FNDC3A: variants seen among roughly 807,000 people sequenced by gnomAD.
FNDC3A encodes the protein fibronectin type-III domain-containing protein 3A.
A neutral mutation model predicts 148.9 loss-of-function variants in FNDC3A; 32 were observed. That is an observed-to-expected ratio of 0.21 (90% confidence interval 0.16 to 0.29). The LOEUF (loss-of-function observed/expected upper bound fraction) is 0.29, where lower values mean the gene tolerates loss of function less well. FNDC3A is among the 10% of genes least tolerant of loss of function. The pLI, the probability that FNDC3A is intolerant of heterozygous loss-of-function variation, is 1.00. For missense variants in FNDC3A, 1,191 were observed against 1,452.8 expected (o/e 0.82, Z 2.93); for synonymous variants, 472 against 473.6 (o/e 1.00, Z 0.04).
chr13:49,042,928 T>C lies in FNDC3A; in HGVS notation c.100-32361T>C, dbSNP rs949110074. On this transcript the variant is annotated intron_variant, in intron 2 of 25. Transcript: ENST00000492622. ...TCATTATAATTTCTTCTTTGACTTA[T>C]GAATTATTGAAACTTTTACAGACAT... 1.1e-4 allele frequency among the ~76,000 whole-genome samples: 17 copies of C among 152,184 alleles called. No homozygotes were observed. The South Asian group carries it at 1.2e-3, about 11-fold the overall frequency.
intron 4 of FNDC3A, among the ~76,000 whole-genome samples, chr13:49,124,194 A>G (rs1183424277): frequency 6.6e-6 from 1 of 152,192 alleles, no homozygotes; most frequent in Admixed American, 6.5e-5. Context: ...CTTTGCAGGG[A>G]CATGGATGAA....
intron 2 of FNDC3A, among the ~76,000 whole-genome samples, chr13:49,019,896 A>G (rs1873189062): frequency 6.6e-6 from 1 of 152,174 alleles, no homozygotes; most frequent in Non-Finnish European, 1.5e-5. Flanking sequence ...TTTGTTTAAA[A>G]TTGTTTCTTC....
intron 8 of FNDC3A, among the ~76,000 whole-genome samples, chr13:49,158,056 G>C (rs530631340): frequency 7.1e-4 from 108 of 152,246 alleles, no homozygotes; most frequent in African/African-American, 2.0e-3. Flanking sequence ...CACTCAGTTC[G>C]AGCTTCCCGG....
chr13:49,174,718 A>AAG (rs1203539114), intron 12 of FNDC3A, among the ~76,000 whole-genome samples, 159 bp downstream of exon 12: 3 of 152,234 alleles, frequency 2.0e-5, no homozygotes. Flanking sequence ...CAAAAGCTAT[A>AAG]AGAGAGTTAG....
intron 25 of FNDC3A, among the ~76,000 whole-genome samples, chr13:49,205,294 A>G (rs2138145946): frequency 6.6e-6 from 1 of 152,322 alleles, no homozygotes; most frequent in South Asian, 2.1e-4. Context: ...AGACACATGG[A>G]AAGTATAAAG....
chr13:49,139,585 A>G (rs988349132), intron 7 of FNDC3A, among the ~76,000 whole-genome samples: 3 of 152,214 alleles, frequency 2.0e-5, no homozygotes. Context: ...TCCTCATCTA[A>G]TAGACTAATA....
intron 4 of FNDC3A, among the ~76,000 whole-genome samples, chr13:49,117,694 A>T (rs1881057322): frequency 6.6e-6 from 1 of 152,198 alleles, no homozygotes; most frequent in Admixed American, 6.5e-5. Context: ...CATTTACATT[A>T]TATTAGGTAT....
intron 2 of FNDC3A, among the ~76,000 whole-genome samples, chr13:49,032,227 G>C (rs1874170060): frequency 6.6e-6 from 1 of 151,980 alleles, no homozygotes; most frequent in Non-Finnish European, 1.5e-5. Flanking sequence ...GAAATAGCCT[G>C]GCAGTTCCTA....
chr13:49,001,181 T>C (rs533073721), intron 1 of FNDC3A, among the ~76,000 whole-genome samples: 59 of 152,318 alleles, frequency 3.9e-4, no homozygotes, highest in Admixed American at 1.4e-3. Context: ...ATTAATACTT[T>C]TATAATTTCT....
intron 2 of FNDC3A, among the ~76,000 whole-genome samples, chr13:49,038,893 AT>A (rs1049838360): frequency 6.6e-6 from 1 of 151,596 alleles, no homozygotes; most frequent in South Asian, 2.1e-4. Flanking sequence ...GGTTTTGTAG[AT>A]TTTTTTTTGC....
intron 2 of FNDC3A, among the ~76,000 whole-genome samples, chr13:49,024,474 C>T (rs1873555193): frequency 6.6e-6 from 1 of 151,850 alleles, no homozygotes; most frequent in African/African-American, 2.4e-5. Context: ...CAAAAATCCT[C>T]AACAAAATAC....
intron 3 of FNDC3A, among the ~76,000 whole-genome samples, chr13:49,086,578 T>C (rs1878829903): frequency 6.6e-6 from 1 of 152,208 alleles, no homozygotes; most frequent in Non-Finnish European, 1.5e-5. Context: ...GACCAAGTTC[T>C]ACTGAAATTA....
chr13:49,009,290 A>G (rs897850950), intron 2 of FNDC3A, among the ~76,000 whole-genome samples: 1 of 152,166 alleles, frequency 6.6e-6, no homozygotes, highest in Non-Finnish European at 1.5e-5. Context: ...CCACGGCTTA[A>G]TAGCTCATTT....
At chr13:49,175,709 C>T (rs919698512) in intron 13 of FNDC3A, among the ~76,000 whole-genome samples, 168 bp downstream of exon 13, 3 of 152,152 alleles carry the variant, frequency 2.0e-5, no homozygotes, top group African/African-American at 7.2e-5. Flanking sequence ...CTTTCTCTTG[C>T]CTGATTGCCC....
chr13:49,143,594 TTCC>T (rs1882810803), intron 7 of FNDC3A, among the ~76,000 whole-genome samples: 1 of 152,104 alleles, frequency 6.6e-6, no homozygotes, highest in East Asian at 1.9e-4. Context: ...TAGACAGGGA[TTCC>T]ATACTATCTT....
chr13:49,025,499 T>C (rs1873640247), intron 2 of FNDC3A, among the ~76,000 whole-genome samples: 1 of 152,108 alleles, frequency 6.6e-6, no homozygotes, highest in Admixed American at 6.5e-5. Context: ...CTCAAACATG[T>C]TATTGACCAC....
intron 1 of FNDC3A, among the ~76,000 whole-genome samples, chr13:49,002,680 C>T (rs998044239): frequency 1.3e-5 from 2 of 152,126 alleles, no homozygotes; most frequent in African/African-American, 4.8e-5. Context: ...GTTTTTGAAC[C>T]TCCTGCAAAT....
chr13:49,186,355 A>T (rs1336621533), intron 15 of FNDC3A, among the ~76,000 whole-genome samples: 1 of 152,222 alleles, frequency 6.6e-6, no homozygotes, highest in Non-Finnish European at 1.5e-5. Context: ...TGTGAAATGA[A>T]GGATTACTGA....
chr13:49,199,485 G>A (rs911447113), intron 23 of FNDC3A, among the ~76,000 whole-genome samples: 4 of 151,728 alleles, frequency 2.6e-5, no homozygotes, highest in African/African-American at 7.3e-5. Context: ...GCACCACCAC[G>A]CCCGGCTAAT....
Sources: allele counts gnomAD v4.1 joint callset (sites outside exome capture counted in the v4.1 genomes callset), GRCh38; gene constraint gnomAD v4.1.1; transcripts MANE v1.5; gene names NCBI Gene and HGNC (gene_info 2026-07-23, HGNC 2026-07-21).